Variants in FAM222B observed in about 807,000 individuals in gnomAD.
FAM222B encodes family with sequence similarity 222 member B, also known as protein FAM222B.
In FAM222B, 12 loss-of-function variants were observed where a neutral mutation model predicts 38.0. The ratio of observed to expected loss-of-function variants is 0.32; its 90% confidence interval spans 0.20 to 0.51. The LOEUF (loss-of-function observed/expected upper bound fraction) is 0.51, where lower values mean the gene tolerates loss of function less well. FAM222B is among the 20% of genes least tolerant of loss of function. FAM222B has a pLI of 0.97. For synonymous variants in FAM222B, 329 were observed against 317.2 expected (o/e 1.04, Z -0.40); for missense variants, 716 against 754.2 (o/e 0.95, Z 0.59).
At chr17:28,802,687 A>C in intron 1 of FAM222B, 1 of 175,522 alleles carries the variant, frequency 5.7e-6, no homozygotes, top group South Asian at 1.4e-4. Flanking sequence ...GGAATGTCTC[A>C]CACAGTGTAT....
At chr17:28,806,114 T>C (rs1163932446) in intron 1 of FAM222B, among the ~76,000 whole-genome samples, 2 of 151,972 alleles carry the variant, frequency 1.3e-5, no homozygotes, top group African/African-American at 2.4e-5. Context: ...ATCGCGCCAT[T>C]GCACTCCAAC....
At chr17:28,815,277 G>A (rs938733759) in intron 1 of FAM222B, among the ~76,000 whole-genome samples, 63 of 149,752 alleles carry the variant, frequency 4.2e-4, no homozygotes, top group African/African-American at 1.4e-3. Context: ...GCAGTGGCGC[G>A]ATCTCGGCGC....
chr17:28,775,887 A>AAAAAAC (rs1283074879), intron 1 of FAM222B, among the ~76,000 whole-genome samples: 2 of 151,242 alleles, frequency 1.3e-5, no homozygotes, highest in Non-Finnish European at 3.0e-5. Flanking sequence ...TCTCCAAAAA[A>AAAAAAC]AAAAACAAAA....
chr17:28,764,840 T>C (rs1304160592), intron 2 of FAM222B, among the ~76,000 whole-genome samples: 1 of 152,172 alleles, frequency 6.6e-6, no homozygotes, highest in African/African-American at 2.4e-5. Context: ...TTTCCCTTGA[T>C]ATCACATCTT....
rs2038724331 is a variant in FAM222B, at chr17:28,833,175, G to A, written c.-41+9507C>T. ...ATACAAAAAATTAGCCAGGCATGGT[G>A]GCACGCGCCTGTAGTCCCAGCTACT... On this transcript the variant is annotated intron_variant, in intron 1 of 2. Transcript: ENST00000581407. Among the ~76,000 whole-genome samples, 8 of 152,118 alleles carry A rather than the reference G, an allele frequency of 5.3e-5. No individual in the cohort carries two copies. In the South Asian group the frequency reaches 1.2e-3, roughly 24 times the overall value.
At chr17:28,808,533 C>T (rs1390722976) in intron 1 of FAM222B, among the ~76,000 whole-genome samples, 1 of 152,218 alleles carries the variant, frequency 6.6e-6, no homozygotes, top group Non-Finnish European at 1.5e-5. Context: ...AGTTCAGTAA[C>T]TCACCAACAA....
intron 2 of FAM222B, among the ~76,000 whole-genome samples, chr17:28,760,121 C>T (rs2035001053): frequency 1.3e-5 from 2 of 152,204 alleles, no homozygotes; most frequent in African/African-American, 4.8e-5. Flanking sequence ...TCAATGAATC[C>T]TCACTATTGC....
Position 28,784,102 on chromosome 17 carries a change from C to T in FAM222B, c.-40-17395G>A, listed in dbSNP as rs1005187992. Among the ~76,000 whole-genome samples the T allele has an allele frequency of 2.0e-5, 3 of 152,120 alleles. No individual in the cohort carries two copies. The South Asian group carries it at 6.3e-4, about 32-fold the overall frequency. Reference sequence around the variant, plus strand: ...GGTGTGAGCCACCACCACACCTGGCCGAGATTATTTTGAAGATTAAATTTG... The same window carrying T: ...GGTGTGAGCCACCACCACACCTGGCTGAGATTATTTTGAAGATTAAATTTG... On this transcript the variant is annotated intron_variant, in intron 1 of 2. Transcript: ENST00000581407.
chr17:28,783,924 A>G lies in FAM222B; in HGVS notation c.-40-17217T>C, dbSNP rs565246810. 2.7e-5 allele frequency among the ~76,000 whole-genome samples: 4 copies of G among 150,900 alleles called. No homozygotes were observed. In the South Asian group the frequency reaches 8.4e-4, roughly 32 times the overall value. On this transcript the variant is annotated intron_variant, in intron 1 of 2. Coordinates refer to ENST00000581407, the MANE Select transcript of FAM222B (RefSeq NM_001077498.3). ...AGCGATTCTCCTGCCTCAGGCTCCC[A>G]AGTAGCTGGGGTTACAGGCTCCTGC...
At chr17:28,792,820 G>A (rs2036764636) in intron 1 of FAM222B, among the ~76,000 whole-genome samples, 2 of 150,188 alleles carry the variant, frequency 1.3e-5, no homozygotes, top group Admixed American at 1.3e-4. Flanking sequence ...CAAACAGAAA[G>A]AGAAATGTCT....
intron 2 of FAM222B, among the ~76,000 whole-genome samples, chr17:28,762,342 T>G (rs2035115686): frequency 6.6e-6 from 1 of 152,126 alleles, no homozygotes; most frequent in South Asian, 2.1e-4. Context: ...TAAAAAAAGT[T>G]TTCTGCTGGG....
chr17:28,833,901 A>T (rs2038752638), intron 1 of FAM222B, among the ~76,000 whole-genome samples: 1 of 152,154 alleles, frequency 6.6e-6, no homozygotes, highest in East Asian at 1.9e-4. Flanking sequence ...TTTCCCAGAT[A>T]CCTCAAATCC....
chr17:28,801,621 T>C (rs2037233810), intron 1 of FAM222B, among the ~76,000 whole-genome samples: 6 of 152,016 alleles, frequency 3.9e-5, no homozygotes, highest in Admixed American at 3.9e-4. Context: ...ATTATTATTA[T>C]TGTTGTTCTT....
At chr17:28,833,973 G>A (rs771242158) in intron 1 of FAM222B, among the ~76,000 whole-genome samples, 5 of 152,006 alleles carry the variant, frequency 3.3e-5, no homozygotes, top group Non-Finnish European at 5.9e-5. Context: ...CTTGTATTCC[G>A]TAACTTGGTT....
intron 1 of FAM222B, among the ~76,000 whole-genome samples, chr17:28,833,829 A>C (rs530625900): frequency 3.9e-4 from 59 of 152,254 alleles, no homozygotes; most frequent in South Asian, 4.1e-4. Context: ...TGACTACTAA[A>C]TCTGTATCTC....
At chr17:28,790,571 A>G (rs1339164954) in intron 1 of FAM222B, 1 of 152,230 alleles carries the variant, frequency 6.6e-6, no homozygotes, top group East Asian at 1.9e-4. Context: ...GGAGGAGACT[A>G]AGACAACATG....
chr17:28,823,266 G>A (rs1196020363), intron 1 of FAM222B, among the ~76,000 whole-genome samples: 2 of 151,678 alleles, frequency 1.3e-5, no homozygotes, highest in African/African-American at 4.8e-5. Context: ...GGTTCTACTG[G>A]AAGTCACCAA....
chr17:28,847,350 T>C (rs1450480868), upstream of FAM222B, among the ~76,000 whole-genome samples: 1 of 151,768 alleles, frequency 6.6e-6, no homozygotes. Flanking sequence ...GTCCCAGCAC[T>C]TTGGGAGGCT....
chr17:28,794,117 A>G (rs936454837), intron 1 of FAM222B, among the ~76,000 whole-genome samples: 3 of 152,192 alleles, frequency 2.0e-5, no homozygotes, highest in Non-Finnish European at 4.4e-5. Context: ...TAGAAAGAGT[A>G]CACAACAACA....
Sources: allele counts gnomAD v4.1 joint callset (sites outside exome capture counted in the v4.1 genomes callset), GRCh38; gene constraint gnomAD v4.1.1; transcripts MANE v1.5; gene names NCBI Gene and HGNC (gene_info 2026-07-23, HGNC 2026-07-21).